The following LTBP3 variants were observed in gnomAD, a reference collection of about 807,000 sequenced individuals.
LTBP3 encodes latent transforming growth factor beta binding protein 3.
In LTBP3, 97 loss-of-function variants were observed where a neutral mutation model predicts 159.7. That is an observed-to-expected ratio of 0.61 (90% CI 0.52 to 0.72). The LOEUF (loss-of-function observed/expected upper bound fraction) is 0.72. Ranked by LOEUF, LTBP3 falls within the 30% of genes least tolerant of loss-of-function variation. The probability of loss-of-function intolerance (pLI) is 0.00; values close to 1 mark genes in which losing one functional copy is unlikely to be tolerated. For missense variants in LTBP3, 1,584 were observed against 1,864.3 expected, an observed-to-expected ratio of 0.85 and a Z score of 2.77; for synonymous variants, 824 against 777.1, an observed-to-expected ratio of 1.06 and a Z score of -1.00.
chr11:65,547,449 A>C lies in LTBP3; in HGVS notation c.2097T>G (p.Pro699=). 6.2e-7 allele frequency: 1 copy of C among 1,613,760 alleles called. No homozygotes were observed. The stretch of plus-strand genomic sequence containing the variant: ...ATGGGGTCCCCTCACCTTCGCACAC[A>C]GGAGGCCGGGAGGCTTTGAGCCGGT... ...PGYRLKASRP[P]VCEDIDECRD... is the part of the protein sequence containing the mutation. Residue 699 remains proline (P), a synonymous_variant, in exon 14 of 28, where the codon CCT becomes CCG. Transcript: ENST00000301873. The surrounding 1 kb of genome is among the most constrained non-coding windows in gnomAD (Gnocchi z 4.6).
In LTBP3 at chr11:65,553,753, G is replaced by C. The variant is rs768788797; in HGVS notation, c.812C>G (p.Pro271Arg). 1.9e-6 allele frequency: 3 copies of C among 1,575,920 alleles called. No homozygotes were observed. Among genetic ancestry groups the C allele is most frequent in the Non-Finnish European group, 2.6e-6 (3 of 1,168,770 alleles). ...PHPKPSHPRP[P>R]TQKPLGRCFQ... ...GCAGCGGCCCAGGGGCTTCTGGGTG[G>C]GCGGCCGGGGGTGCGAGGGCTTGGG... The change falls in exon 3 of 28, where the codon CCC becomes CGC. Residue 271 changes from proline to arginine, a missense_variant. Pro to Arg is a moderately radical substitution (Grantham distance 103, BLOSUM62 -2). Transcript: ENST00000301873. This position sits in a 1 kb window ranked among gnomAD's most constrained non-coding sequence, Gnocchi z 6.5.
intron 16 of LTBP3, chr11:65,543,816 C>T (rs1856257830): frequency 1.9e-6 from 1 of 513,108 alleles, no homozygotes; most frequent in Admixed American, 3.2e-5. Context: ...CACTGCTGCT[C>T]CCACCCTTCC....
In LTBP3 at chr11:65,546,092, T is replaced by C; in HGVS notation, c.2353+350A>G. 1 of 329,242 alleles carries C rather than the reference T, an allele frequency of 3.0e-6. No homozygotes were observed. The allele number at this position is 329,242 out of a possible 1,614,324, so 20.4% of individuals were successfully genotyped here. ...ACTGCATGCTACAGTCTGTCTTTCCTTCTCCAGTTTTCAATGAGTCCCAGC... is the reference window on the plus strand; with the variant it reads ...ACTGCATGCTACAGTCTGTCTTTCCCTCTCCAGTTTTCAATGAGTCCCAGC... On this transcript the variant is annotated intron_variant, in intron 16 of 27. Transcript: ENST00000301873. The surrounding 1 kb of genome is among the most constrained non-coding windows in gnomAD (Gnocchi z 4.0).
rs1855874777 is a variant in LTBP3 at position 65,538,710 on chromosome 11, T to G, written c.*370A>C. The G allele has an allele frequency of 4.3e-6, 5 of 1,152,816 alleles. No homozygotes were observed. In the African/African-American group the frequency reaches 7.8e-5, roughly 18 times the overall value. The allele number at this position is 1,152,816 out of a possible 1,614,324, so 71.4% of individuals were successfully genotyped here. ...ACAATAAATTCTATTTCACACCCCT[T>G]GTGCCGGGCTCAGTCTAGCCCCTGG... On this transcript the variant is annotated 3_prime_UTR_variant, in exon 28 of 28. Transcript: ENST00000301873.
Position 65,554,514 on chromosome 11 carries a change from CCT to C in LTBP3, c.332-136_332-135del. ...GATACATCCTACATAGGGAAACTGC[CCT>C]CTCTAGGTTCCCCAACATCCTTACA... On this transcript the variant is annotated intron_variant, in intron 1 of 27. Coordinates refer to ENST00000301873, the MANE Select transcript of LTBP3 (RefSeq NM_001130144.3). This position sits in a 1 kb window ranked among gnomAD's most constrained non-coding sequence, Gnocchi z 5.3. The C allele has an allele frequency of 1.5e-6, 1 of 664,924 alleles. No homozygotes were observed. Among genetic ancestry groups the C allele is most frequent in the Admixed American group, 2.8e-5 (1 of 35,484 alleles). The allele number at this position is 664,924 out of a possible 1,614,324, so 41.2% of individuals were successfully genotyped here. A position where few individuals can be genotyped will look rare whatever the true frequency, so the allele number is the denominator to read the frequency against.
At chr11:65,540,818 A>T in intron 21 of LTBP3, 53 bp downstream of exon 21, 1 of 1,549,230 alleles carries the variant, frequency 6.5e-7, no homozygotes, top group Non-Finnish European at 8.8e-7. Context: ...GATCCGGGCG[A>T]GCCCAACCCG....
At chr11:65,555,608 G>C (rs1856780597) in intron 1 of LTBP3, among the ~76,000 whole-genome samples, 1 of 152,198 alleles carries the variant, frequency 6.6e-6, no homozygotes, top group African/African-American at 2.4e-5. Context: ...GGAAGGCAGG[G>C]CCAGGCTGGC....
At chr11:65,545,360 T>C in intron 16 of LTBP3, 1 of 221,914 alleles carries the variant, frequency 4.5e-6, no homozygotes, top group Non-Finnish European at 9.0e-6. Flanking sequence ...CGGTCCATGG[T>C]CCATCATTCC....
At position 65,542,994 on chromosome 11, in the gene LTBP3, A is replaced by G; in HGVS notation, c.2596+111T>C. 4.3e-6 allele frequency: 6 copies of G among 1,386,174 alleles called. No homozygotes were observed. The South Asian group carries it at 7.0e-5, about 16-fold the overall frequency. The allele number at this position is 1,386,174 out of a possible 1,614,324, so 85.9% of individuals were successfully genotyped here. On this transcript the variant is annotated intron_variant, in intron 18 of 27. Coordinates refer to ENST00000301873, the MANE Select transcript of LTBP3 (RefSeq NM_001130144.3). ...GATGGATAGATGGATGGATGGATGG[A>G]TGAAGGATGGTTGGATGGGTGGATG...
rs1338219214 is a variant in LTBP3 at position 65,552,453 on chromosome 11, C to T, written c.1187-47G>A. The stretch of plus-strand genomic sequence containing the variant: ...ATGGGCATCTGAGCCTGCACATTGC[C>T]CACGTCCCTCTGCCCAGCTGCTGCA... On this transcript the variant is annotated intron_variant, in intron 6 of 27. Transcript: ENST00000301873. This position sits in a 1 kb window ranked among gnomAD's most constrained non-coding sequence, Gnocchi z 6.0. 5 of 1,603,818 alleles carry T rather than the reference C, an allele frequency of 3.1e-6. No individual in the cohort carries two copies. The highest frequency in any genetic ancestry group is 3.4e-6 in the Non-Finnish European group (4 of 1,178,244).
intron 17 of LTBP3, 36 bp downstream of exon 17, chr11:65,543,391 G>A: frequency 1.2e-6 from 2 of 1,613,408 alleles, no homozygotes; most frequent in Non-Finnish European, 1.7e-6. Context: ...GGGGTAGGGA[G>A]GGACAGGTCA....
At position 65,554,286 on chromosome 11, in the gene LTBP3, C is replaced by T; in HGVS notation, c.426G>A (p.Val142=). 1.2e-6 allele frequency: 2 copies of T among 1,611,414 alleles called. No individual in the cohort carries two copies. The highest frequency in any genetic ancestry group is 1.7e-6 in the Non-Finnish European group (2 of 1,179,444). Residue 142 remains valine (V), a synonymous_variant, in exon 2 of 28, where the codon GTG becomes GTA. Transcript: ENST00000301873. This position sits in a 1 kb window ranked among gnomAD's most constrained non-coding sequence, Gnocchi z 5.3. ...PPDFTGRFCQ[V]PAGGAGGGTG... Reference sequence around the variant, plus strand: ...TACCCCCACCGGCTCCTCCTGCGGGCACCTGGCAGAAGCGCCCAGTGAAGT... The same window carrying T: ...TACCCCCACCGGCTCCTCCTGCGGGTACCTGGCAGAAGCGCCCAGTGAAGT...
In LTBP3 at chr11:65,538,903, G is replaced by A. The variant is rs937894236; in HGVS notation, c.*177C>T. On this transcript the variant is annotated 3_prime_UTR_variant, in exon 28 of 28. Coordinates refer to ENST00000301873, the MANE Select transcript of LTBP3 (RefSeq NM_001130144.3). ...AGCGCCCGCCGGAGACCTTACAACC[G>A]CCCGCTAACCGGGGAGGGGGGCCGG... 6.5e-6 allele frequency: 8 copies of A among 1,221,582 alleles called. 1 individual carries two copies. The South Asian group carries it at 1.3e-4, about 20-fold the overall frequency. The allele number at this position is 1,221,582 out of a possible 1,614,324, so 75.7% of individuals were successfully genotyped here. A position where few individuals can be genotyped will look rare whatever the true frequency, so the allele number is the denominator to read the frequency against.
chr11:65,540,296 G>C lies in LTBP3; in HGVS notation c.3193C>G (p.Pro1065Ala). ...CGCTGCGCGGGACTGTACTCGGCAG[G>C]GGGCGTGCAGGCACAGCGGTAGCCG... ...RGGYRCACTP[P>A]AEYSPAQRQC... The change falls in exon 23 of 28, where the codon CCT becomes GCT. Residue 1065 changes from proline (P) to alanine (A), a missense_variant. Coordinates refer to ENST00000301873, the MANE Select transcript of LTBP3 (RefSeq NM_001130144.3). 1 of 1,562,140 alleles carries C rather than the reference G, an allele frequency of 6.4e-7. No individual in the cohort carries two copies. The highest frequency in any genetic ancestry group is 8.7e-7 in the Non-Finnish European group (1 of 1,153,288).
chr11:65,543,258 G>A (rs1856233962), intron 17 of LTBP3, 34 bp from the exon 18 acceptor site: 1 of 1,613,784 alleles, frequency 6.2e-7, no homozygotes, highest in Non-Finnish European at 8.5e-7. Context: ...GAATCTCAGG[G>A]GCTGATCACC....
Position 65,546,423 on chromosome 11 carries a change from CG to C in LTBP3, c.2353+18del. 8 of 1,532,004 alleles carry C rather than the reference CG, an allele frequency of 5.2e-6. No individual in the cohort carries two copies. Among genetic ancestry groups the C allele is most frequent in the Non-Finnish European group, 7.0e-6 (8 of 1,145,330 alleles). 94.9% of individuals were successfully genotyped at this position (1,532,004 alleles called of 1,614,324 possible). A position where few individuals can be genotyped will look rare whatever the true frequency, so the allele number is the denominator to read the frequency against. ...CGTAGGGGGCGGCGGAGGCCCGGGG[CG>C]GGGGTGCTGGCGCTCACCCAAGCAA... On this transcript the variant is annotated intron_variant, in intron 16 of 27. Coordinates refer to ENST00000301873, the MANE Select transcript of LTBP3 (RefSeq NM_001130144.3). The surrounding 1 kb of genome is among the most constrained non-coding windows in gnomAD (Gnocchi z 4.0).
intron 11 of LTBP3, among the ~76,000 whole-genome samples, chr11:65,550,575 C>T (rs984440473): frequency 6.6e-5 from 10 of 152,116 alleles, no homozygotes; most frequent in Admixed American, 2.0e-4. Context: ...CCTGTAATCC[C>T]AGCACTTTGG....
chr11:65,547,205 G>A lies in LTBP3; in HGVS notation c.2107+234C>T, dbSNP rs1181009644. On this transcript the variant is annotated intron_variant, in intron 14 of 27. Transcript: ENST00000301873. This position sits in a 1 kb window ranked among gnomAD's most constrained non-coding sequence, Gnocchi z 4.6. ...TCTACTAAAAATACAAAAATTAGGC[G>A]TGGTGGCAGGCGCCCGTAATCCCAG... is the stretch of plus-strand genomic sequence containing the variant. Among the ~76,000 whole-genome samples the A allele has an allele frequency of 6.6e-6, 1 of 152,164 alleles. No homozygotes were observed. Among genetic ancestry groups the A allele is most frequent in the Non-Finnish European group, 1.5e-5 (1 of 68,022 alleles).
In LTBP3 at chr11:65,538,703, C is replaced by CT. The variant is rs1855873089; in HGVS notation, c.*376_*377insA. On this transcript the variant is annotated 3_prime_UTR_variant, in exon 28 of 28. Coordinates refer to ENST00000301873, the MANE Select transcript of LTBP3 (RefSeq NM_001130144.3). ...CAGAGCCACAATAAATTCTATTTCA[C>CT]ACCCCTTGTGCCGGGCTCAGTCTAG... 5 of 1,193,644 alleles carry CT rather than the reference C, an allele frequency of 4.2e-6. No homozygotes were observed. In the African/African-American group the frequency reaches 7.7e-5, roughly 18 times the overall value. 73.9% of individuals were successfully genotyped at this position (1,193,644 alleles called of 1,614,324 possible).
Sources: allele counts gnomAD v4.1 joint callset (sites outside exome capture counted in the v4.1 genomes callset), GRCh38; gene constraint gnomAD v4.1.1; non-coding constraint Gnocchi (gnomAD v3.1); transcripts MANE v1.5; gene names NCBI Gene and HGNC (gene_info 2026-07-23, HGNC 2026-07-21).